ZNF506: variants seen among roughly 807,000 people sequenced by gnomAD.
ZNF506 encodes zinc finger protein 506.
Under a neutral mutation model 11.6 loss-of-function variants are expected in ZNF506, and 10 were observed. That is an observed-to-expected ratio of 0.86 (90% CI 0.53 to 1.46). The LOEUF (loss-of-function observed/expected upper bound fraction) is 1.46, where lower values mean the gene tolerates loss of function less well. ZNF506 is among the 40% of genes most tolerant of loss of function. The pLI, the probability that ZNF506 is intolerant of heterozygous loss-of-function variation, is 0.00. For synonymous variants in ZNF506, 156 were observed against 173.3 expected, an observed-to-expected ratio of 0.90 and a Z score of 0.78; for missense variants, 425 against 521.2, an observed-to-expected ratio of 0.82 and a Z score of 1.80.
intron 1 of ZNF506, among the ~76,000 whole-genome samples, chr19:19,820,975 C>G (rs1055229554): frequency 6.6e-6 from 1 of 151,972 alleles, no homozygotes; most frequent in African/African-American, 2.4e-5. Context: ...TCTCAGCTCA[C>G]GGCAACCTCC....
chr19:19,816,266 C>T (rs565483250), intron 1 of ZNF506, among the ~76,000 whole-genome samples: 39 of 152,056 alleles, frequency 2.6e-4, no homozygotes, highest in Non-Finnish European at 4.9e-4. Flanking sequence ...TCACTGCAAC[C>T]GCTGCCTCCC....
intron 3 of ZNF506, chr19:19,798,673 A>AG (rs1282327004): frequency 1.3e-5 from 2 of 150,194 alleles, no homozygotes; most frequent in African/African-American, 4.9e-5. Context: ...AAAAAAAAAA[A>AG]AAAGAAAATA....
Position 19,795,032 on chromosome 19 carries a change from G to GA in ZNF506, c.854_855insT (p.Lys286GlnfsTer3), listed in dbSNP as rs761129274. 7 of 1,613,812 alleles carry GA rather than the reference G, an allele frequency of 4.3e-6. No individual in the cohort carries two copies. The East Asian group carries it at 8.9e-5, about 21-fold the overall frequency. ...AGGCTTTGCCACATTTATCACACTT[G>GA]TATGGTTTCTCTCCAGTATGAATTT... On this transcript the variant is annotated frameshift_variant, in exon 4 of 4. Coordinates refer to ENST00000540806, the MANE Select transcript of ZNF506 (RefSeq NM_001099269.3). LOFTEE classifies it low-confidence loss of function (END_TRUNC).
Position 19,794,437 on chromosome 19 carries a change from C to G in ZNF506, c.*115G>C. Reference sequence around the variant, plus strand: ...CTTCCTTAAAAAGCTTTGTCACATTCTTTATATTTGTAGGGTTTATGTTCC... The same window carrying G: ...CTTCCTTAAAAAGCTTTGTCACATTGTTTATATTTGTAGGGTTTATGTTCC... On this transcript the variant is annotated 3_prime_UTR_variant, in exon 4 of 4. Transcript: ENST00000540806. 6 of 1,086,094 alleles carry G rather than the reference C, an allele frequency of 5.5e-6. No homozygotes were observed. The highest frequency in any genetic ancestry group is 6.5e-6 in the Non-Finnish European group (5 of 763,558). The allele number at this position is 1,086,094 out of a possible 1,614,324, so 67.3% of individuals were successfully genotyped here. A position where few individuals can be genotyped will look rare whatever the true frequency, so the allele number is the denominator to read the frequency against.
intron 3 of ZNF506, chr19:19,798,513 G>C (rs930938625): frequency 1.3e-5 from 2 of 151,654 alleles, no homozygotes; most frequent in Non-Finnish European, 2.9e-5. Flanking sequence ...AAATTAGCCG[G>C]GTGTAGAGGT....
At chr19:19,815,400 C>G (rs1568480890) in intron 1 of ZNF506, among the ~76,000 whole-genome samples, 1 of 152,144 alleles carries the variant, frequency 6.6e-6, no homozygotes, top group Non-Finnish European at 1.5e-5. Context: ...GTGGTGGCAG[C>G]TGTGGGAAAA....
At chr19:19,805,632 A>C (rs1442272391) in intron 3 of ZNF506, among the ~76,000 whole-genome samples, 1 of 152,072 alleles carries the variant, frequency 6.6e-6, no homozygotes. Flanking sequence ...TAATACTTTC[A>C]CACACACATT....
chr19:19,802,648 T>TA (rs1220261291), intron 3 of ZNF506, among the ~76,000 whole-genome samples: 20 of 152,246 alleles, frequency 1.3e-4, no homozygotes, highest in African/African-American at 4.3e-4. Context: ...GTAACTATTT[T>TA]AGTAAATATG....
chr19:19,808,061 GA>G (rs2062849354), intron 1 of ZNF506, among the ~76,000 whole-genome samples: 1 of 130,914 alleles, frequency 7.6e-6, no homozygotes, highest in Non-Finnish European at 1.6e-5. Context: ...ACTCTATAGT[GA>G]AAAAAATCTC....
At chr19:19,821,565 T>G in intron 1 of ZNF506, 36 bp downstream of exon 1, 1 of 1,613,774 alleles carries the variant, frequency 6.2e-7, no homozygotes, top group Non-Finnish European at 8.5e-7. Flanking sequence ...AACCAGCCCC[T>G]CTCCCTCTCT....
At chr19:19,812,462 AG>A (rs1158407670) in intron 1 of ZNF506, among the ~76,000 whole-genome samples, 4 of 152,242 alleles carry the variant, frequency 2.6e-5, no homozygotes, top group African/African-American at 9.6e-5. Flanking sequence ...CACATTTTAC[AG>A]GTGAATATAG....
In ZNF506 at chr19:19,807,017, G is replaced by A; in HGVS notation, c.55C>T (p.His19Tyr). 4 of 1,614,008 alleles carry A rather than the reference G, an allele frequency of 2.5e-6. No individual in the cohort carries two copies. Among genetic ancestry groups the A allele is most frequent in the South Asian group, 1.1e-5 (1 of 91,060 alleles). Residue 19 changes from histidine to tyrosine, a missense_variant, in exon 2 of 4, where the codon CAT becomes TAT. By Grantham distance (83) the His-to-Tyr change is moderately conservative (BLOSUM62 2). Around this residue, in one of 3 missense-constraint regions of ZNF506, gnomAD observed 226 missense variants for 279.1 expected, o/e 0.81. Transcript: ENST00000540806. ...TTCCGCTGTGCAGCGTCCAGGCAAT[G>A]CCACTCCTCCAGAGAGAATTCTATG... ...VAIEFSLEEW[H>Y]CLDAAQRNLY...
At chr19:19,815,711 G>A (rs1003974200) in intron 1 of ZNF506, among the ~76,000 whole-genome samples, 4 of 152,160 alleles carry the variant, frequency 2.6e-5, no homozygotes, top group Non-Finnish European at 4.4e-5. Flanking sequence ...GCTCAGTCCC[G>A]CAACATTGTC....
At chr19:19,803,326 G>A (rs190068796) in intron 3 of ZNF506, among the ~76,000 whole-genome samples, 10 of 152,298 alleles carry the variant, frequency 6.6e-5, no homozygotes, top group Non-Finnish European at 1.0e-4. Context: ...GTGGTCCCTG[G>A]AACAGTTCAA....
Position 19,795,003 on chromosome 19 carries a change from A to G in ZNF506, c.884T>C (p.Ile295Thr), listed in dbSNP as rs2062726902. The G allele has an allele frequency of 6.2e-7, 1 of 1,610,570 alleles. No individual in the cohort carries two copies. Among genetic ancestry groups the G allele is most frequent in the African/African-American group, 1.4e-5 (1 of 73,860 alleles). The change falls in exon 4 of 4, where the codon ATT (isoleucine) becomes ACT (threonine). Residue 295 changes from isoleucine to threonine, a missense_variant. This residue lies in a region of ZNF506 where 192 missense variants were observed against 215.7 expected (regional missense o/e 0.89). Coordinates refer to ENST00000540806, the MANE Select transcript of ZNF506 (RefSeq NM_001099269.3). ...YKCDKCGKAFISSSTLTKHEI... is the reference protein window; with the variant it reads ...YKCDKCGKAFTSSSTLTKHEI... ...ATGTTTAGTAAGGGTTGAGGATGAA[A>G]TAAAGGCTTTGCCACATTTATCACA...
Position 19,805,778 on chromosome 19 carries a change from T to A in ZNF506, c.226+253A>T, listed in dbSNP as rs578246225. ...TCTGTCATGAAGAGGACTTTGGCTC[T>A]CAGTGTGAACTTGAAGGAAGCTCAC... On this transcript the variant is annotated intron_variant, in intron 3 of 3. Transcript: ENST00000540806. 1.5e-4 allele frequency among the ~76,000 whole-genome samples: 23 copies of A among 152,250 alleles called. No individual in the cohort carries two copies. In the South Asian group the frequency reaches 4.8e-3, roughly 32 times the overall value.
intron 3 of ZNF506, chr19:19,798,450 C>T (rs2062761073): frequency 6.6e-6 from 1 of 151,254 alleles, no homozygotes; most frequent in Non-Finnish European, 1.5e-5. Flanking sequence ...AGATGGAGAC[C>T]ATCCTGGCTA....
At chr19:19,805,897 G>GA (rs994284264) in intron 3 of ZNF506, 134 bp downstream of exon 3, 1,544 of 716,024 alleles carry the variant, frequency 2.2e-3, no homozygotes, top group Non-Finnish European at 2.5e-3. Context: ...GAAAAGAAAA[G>GA]AAAAAAAAAG....
intron 3 of ZNF506, chr19:19,797,741 G>T (rs1454934939): frequency 6.6e-6 from 1 of 152,022 alleles, no homozygotes; most frequent in Non-Finnish European, 1.5e-5. Flanking sequence ...AGAATTTTGG[G>T]AGCTGCAAGA....
Sources: gnomAD v4.1 joint callset for allele counts (sites outside exome capture counted in the v4.1 genomes callset) on GRCh38, gnomAD v4.1.1 for gene constraint, gnomAD v4.1.1 regional missense constraint, MANE v1.5 for transcripts, NCBI Gene and HGNC (gene_info 2026-07-23, HGNC 2026-07-21) for gene names.